Variants in ELOA observed in about 807,000 individuals in gnomAD.
ELOA encodes elongin A, also known as elongin-A.
In ELOA, 15 loss-of-function variants were observed where a neutral mutation model predicts 85.2. The ratio of observed to expected loss-of-function variants is 0.18; its 90% CI spans 0.12 to 0.27. The LOEUF is 0.27. Ranked by LOEUF, ELOA falls within the 10% of genes least tolerant of loss-of-function variation. The pLI is 1.00. For synonymous variants in ELOA, 348 were observed against 357.2 expected, an observed-to-expected ratio of 0.97 and a Z score of 0.29; for missense variants, 769 against 952.7, an observed-to-expected ratio of 0.81 and a Z score of 2.54.
rs181112664 is a variant in ELOA at position 23,755,992 on chromosome 1, T to C, written c.1941T>C (p.Asn647=). ...REQRLRVLTK[N]IQFAHANKPK... The stretch of plus-strand genomic sequence containing the variant: ...AGCGGCTACGAGTACTAACAAAGAA[T>C]ATCCAGTTCGCACATGCCAATAAGC... Residue 647 remains asparagine (N), a synonymous_variant, in exon 8 of 11, where the codon AAT becomes AAC. Coordinates refer to ENST00000613537, the MANE Select transcript of ELOA (RefSeq NM_003198.3). 41 of 1,613,126 alleles carry C rather than the reference T, an allele frequency of 2.5e-5. No homozygotes were observed. The highest frequency in any genetic ancestry group is 3.1e-5 in the Non-Finnish European group (37 of 1,179,846).
At chr1:23,747,336 C>A (rs1235206129) in intron 1 of ELOA, among the ~76,000 whole-genome samples, 6 of 152,202 alleles carry the variant, frequency 3.9e-5, no homozygotes, top group Non-Finnish European at 8.8e-5. Flanking sequence ...GTAGTAGACA[C>A]ATTTGACTTT....
chr1:23,759,100 C>T (rs1021261426), intron 10 of ELOA, among the ~76,000 whole-genome samples: 1 of 152,188 alleles, frequency 6.6e-6, no homozygotes, highest in Non-Finnish European at 1.5e-5. Flanking sequence ...CTCAGCTACT[C>T]TGGAGTCTAG....
chr1:23,745,626 T>G (rs975330183), intron 1 of ELOA, among the ~76,000 whole-genome samples: 1 of 152,144 alleles, frequency 6.6e-6, no homozygotes, highest in African/African-American at 2.4e-5. Context: ...GGGAGATCAT[T>G]TTTGCAAAGG....
intron 1 of ELOA, among the ~76,000 whole-genome samples, chr1:23,748,220 T>G (rs1644755002): frequency 6.6e-6 from 1 of 152,214 alleles, no homozygotes; most frequent in Non-Finnish European, 1.5e-5. Flanking sequence ...TGAATCCTCA[T>G]AGTTTGTGAA....
In ELOA at chr1:23,751,989, T is replaced by G. The variant is rs762042195; in HGVS notation, c.1384T>G (p.Ser462Ala). 1.2e-6 allele frequency: 2 copies of G among 1,606,158 alleles called. No individual in the cohort carries two copies. The highest frequency in any genetic ancestry group is 1.7e-6 in the Non-Finnish European group (2 of 1,178,172). The change falls in exon 4 of 11, where the codon TCA becomes GCA. Residue 462 changes from serine to alanine, a missense_variant. This residue lies in a region of ELOA where 193 missense variants were observed against 278.9 expected (regional missense o/e 0.69). Coordinates refer to ENST00000613537, the MANE Select transcript of ELOA (RefSeq NM_003198.3). Reference protein sequence around the residue: ...QKLPKVNKTKSEKPAGADLAK... With the variant: ...QKLPKVNKTKAEKPAGADLAK... ...ATTACCCAAGGTGAACAAAACCAAG[T>G]CAGAGAAGCCGGCTGGAGCTGATTT...
In ELOA at chr1:23,752,028, A is replaced by C; in HGVS notation, c.1423A>C (p.Lys475Gln). The C allele has an allele frequency of 1.3e-6, 2 of 1,593,348 alleles. No homozygotes were observed. Among genetic ancestry groups the C allele is most frequent in the Non-Finnish European group, 1.7e-6 (2 of 1,173,964 alleles). ...TGGAGCTGATTTAGCCAAGCTGAGA[A>C]AGGTAACCCCTTCAGCCCCTTGGTG... is the stretch of plus-strand genomic sequence containing the variant. Reference protein sequence around the residue: ...PAGADLAKLRKVPDVLPVLPD... With the variant: ...PAGADLAKLRQVPDVLPVLPD... Residue 475 changes from lysine to glutamine, a missense_variant and splice_region_variant, in exon 4 of 11, where the codon AAG becomes CAG. Physicochemically the swap from Lys to Gln is moderately conservative, Grantham distance 53. Around this residue, in one of 4 missense-constraint regions of ELOA, gnomAD observed 193 missense variants for 278.9 expected, o/e 0.69. Transcript: ENST00000613537.
At chr1:23,756,178 G>A (rs1321568860) in intron 8 of ELOA, 96 bp from the exon 9 acceptor site, 24 of 1,428,404 alleles carry the variant, frequency 1.7e-5, no homozygotes, top group Non-Finnish European at 2.2e-5. Context: ...TACCCTACAA[G>A]TGGGGTTTCA....
At position 23,755,969 on chromosome 1, in the gene ELOA, C is replaced by T; in HGVS notation, c.1918C>T (p.Arg640Trp). The change falls in exon 8 of 11, where the codon CGG (arginine) becomes TGG (tryptophan). Residue 640 changes from arginine to tryptophan, a missense_variant. Arg to Trp is a moderately radical substitution (Grantham distance 101, BLOSUM62 -3). This residue lies in a region of ELOA where 20 missense variants were observed against 58.8 expected (regional missense o/e 0.34). Coordinates refer to ENST00000613537, the MANE Select transcript of ELOA (RefSeq NM_003198.3). ...YLRLQDAREQRLRVLTKNIQF... is the reference protein window; with the variant it reads ...YLRLQDAREQWLRVLTKNIQF... Reference sequence around the variant, plus strand: ...GCGGCTTCAGGACGCCCGAGAGCAGCGGCTACGAGTACTAACAAAGAATAT... The same window carrying T: ...GCGGCTTCAGGACGCCCGAGAGCAGTGGCTACGAGTACTAACAAAGAATAT... 6.2e-7 allele frequency: 1 copy of T among 1,613,656 alleles called. No homozygotes were observed. Among genetic ancestry groups the T allele is most frequent in the Non-Finnish European group, 8.5e-7 (1 of 1,179,958 alleles).
At position 23,759,835 on chromosome 1, in the gene ELOA, C is replaced by G; in HGVS notation, c.*262C>G. 4.2e-6 allele frequency: 2 copies of G among 475,398 alleles called. No individual in the cohort carries two copies. Among genetic ancestry groups the G allele is most frequent in the South Asian group, 2.8e-5 (1 of 35,266 alleles). 29.4% of individuals were successfully genotyped at this position (475,398 alleles called of 1,614,324 possible). A position where few individuals can be genotyped will look rare whatever the true frequency, so the allele number is the denominator to read the frequency against. On this transcript the variant is annotated 3_prime_UTR_variant, in exon 11 of 11. Transcript: ENST00000613537. Reference sequence around the variant, plus strand: ...AAAGGTCAATTATACTTTTGTTGTTCATTAGCATCTTTGTAAACTATAAGA... The same window carrying G: ...AAAGGTCAATTATACTTTTGTTGTTGATTAGCATCTTTGTAAACTATAAGA...
chr1:23,757,040 T>C lies in ELOA; in HGVS notation c.2172T>C (p.Tyr724=), dbSNP rs1164104330. 1.2e-6 allele frequency: 2 copies of C among 1,611,346 alleles called. No homozygotes were observed. The highest frequency in any genetic ancestry group is 1.3e-5 in the African/African-American group (1 of 74,910). ...ACCCCAGCCCTGAGGAGCCGGCCTA[T>C]GATGGCCCAAGCACCAGCAGTGCCC... ...SFNPSPEEPA[Y]DGPSTSSAHL... is the part of the protein sequence containing the mutation. The change falls in exon 10 of 11, where the codon TAT becomes TAC. Residue 724 remains tyrosine, a synonymous_variant. Transcript: ENST00000613537.
chr1:23,751,462 G>C lies in ELOA; in HGVS notation c.857G>C (p.Gly286Ala). ...GAGGAGAACCGAAGGCCACCCTCAG[G>C]GGACAATGCAAGGGAGAAACCGCCC... ...SKEENRRPPS[G>A]DNAREKPPSS... Residue 286 changes from glycine (G) to alanine (A), a missense_variant, in exon 4 of 11, where the codon GGG (glycine) becomes GCG (alanine). Around this residue, in one of 4 missense-constraint regions of ELOA, gnomAD observed 440 missense variants for 474.0 expected, o/e 0.93. Transcript: ENST00000613537. 1 of 1,614,044 alleles carries C rather than the reference G, an allele frequency of 6.2e-7. No homozygotes were observed. Among genetic ancestry groups the C allele is most frequent in the Non-Finnish European group, 8.5e-7 (1 of 1,180,028 alleles).
intron 1 of ELOA, among the ~76,000 whole-genome samples, chr1:23,744,948 T>G (rs1012596480): frequency 1.3e-5 from 2 of 151,816 alleles, no homozygotes; most frequent in African/African-American, 4.8e-5. Flanking sequence ...TTCTTTGGGG[T>G]TTTTTTTCTT....
intron 10 of ELOA, 72 bp from the exon 11 acceptor site, chr1:23,759,440 G>T: frequency 6.7e-7 from 1 of 1,491,168 alleles, no homozygotes; most frequent in South Asian, 1.1e-5. Context: ...AGCTGGCTTT[G>T]ACTGTAAACT....
intron 7 of ELOA, among the ~76,000 whole-genome samples, chr1:23,754,679 T>G (rs1644786894): frequency 6.6e-6 from 1 of 152,196 alleles, no homozygotes; most frequent in Non-Finnish European, 1.5e-5. Flanking sequence ...AGGGTGGGAT[T>G]CAAAGGGAGA....
At chr1:23,743,769 C>G (rs1390657588) in intron 1 of ELOA, among the ~76,000 whole-genome samples, 191 bp downstream of exon 1, 1 of 152,092 alleles carries the variant, frequency 6.6e-6, no homozygotes, top group African/African-American at 2.4e-5. Context: ...CGTCGGGACG[C>G]GGGGCCCCGG....
intron 8 of ELOA, 115 bp from the exon 9 acceptor site, chr1:23,756,159 C>T (rs988195162): frequency 1.4e-5 from 20 of 1,417,976 alleles, no homozygotes; most frequent in African/African-American, 1.0e-4. Context: ...CTTCTGCCAC[C>T]GCCCATTCTA....
rs1638291995 is a variant in ELOA, at chr1:23,761,459, T to G, written c.*1886T>G. ...ATATCTTAGATTCAGTTGTGTATGA[T>G]TTAATGTCCCTTATTAGGAGTCTTT... On this transcript the variant is annotated 3_prime_UTR_variant, in exon 11 of 11. Coordinates refer to ENST00000613537, the MANE Select transcript of ELOA (RefSeq NM_003198.3). 6.6e-6 allele frequency: 1 copy of G among 152,196 alleles called. No homozygotes were observed. The highest frequency in any genetic ancestry group is 1.5e-5 in the Non-Finnish European group (1 of 68,044). The allele number at this position is 152,196 out of a possible 1,614,324, so 9.4% of individuals were successfully genotyped here.
At chr1:23,744,406 C>CAA (rs993870523) in intron 1 of ELOA, 5 of 151,440 alleles carry the variant, frequency 3.3e-5, no homozygotes, top group East Asian at 1.9e-4. Flanking sequence ...TTCTGTCACT[C>CAA]ACTTCTCTGG....
At chr1:23,753,207 A>T (rs911072761) in intron 5 of ELOA, among the ~76,000 whole-genome samples, 1 of 152,134 alleles carries the variant, frequency 6.6e-6, no homozygotes, top group South Asian at 2.1e-4. Flanking sequence ...TCCTAAGTGC[A>T]TAGACTCTGA....
Sources: allele counts gnomAD v4.1 joint callset (sites outside exome capture counted in the v4.1 genomes callset), GRCh38; gene constraint gnomAD v4.1.1; regional missense constraint gnomAD v4.1.1; transcripts MANE v1.5; gene names NCBI Gene and HGNC (gene_info 2026-07-23, HGNC 2026-07-21).